ASPHD1: variants seen among roughly 807,000 people sequenced by gnomAD.
ASPHD1 encodes aspartate beta-hydroxylase domain containing 1.
In ASPHD1, 20 loss-of-function variants were observed where a neutral mutation model predicts 28.3. That is an observed-to-expected ratio of 0.71 (90% CI 0.50 to 1.03). ASPHD1 has a LOEUF of 1.03. ASPHD1 is among the 50% of genes least tolerant of loss of function. The probability of loss-of-function intolerance (pLI) is 0.00; values close to 1 mark genes in which losing one functional copy is unlikely to be tolerated. For missense variants in ASPHD1, 479 were observed against 524.1 expected (o/e 0.91, Z 0.84); for synonymous variants, 240 against 221.2 (o/e 1.08, Z -0.75).
rs979691253 is a variant in ASPHD1, at chr16:29,919,289, CTTATGGTA to C, written c.*63-237_*63-230del. Among the ~76,000 whole-genome samples, 322 of 152,072 alleles carry C rather than the reference CTTATGGTA, an allele frequency of 2.1e-3. 3 individuals are homozygous for C. Among genetic ancestry groups the C allele is most frequent in the Non-Finnish European group, 8.1e-4 (55 of 67,984 alleles). On this transcript the variant is annotated intron_variant and NMD_transcript_variant, in intron 3 of 3. Transcript: ENST00000414952. ...CCCCTTGGATTGTAATAAAGTAATG[CTTATGGTA>C]TTATTTGGCTTATGTAATAAAGTAA...
chr16:29,916,606 G>A (rs1418928261), intron 3 of ASPHD1, among the ~76,000 whole-genome samples: 1 of 151,800 alleles, frequency 6.6e-6, no homozygotes, highest in East Asian at 2.0e-4. Context: ...GCTCATGCCT[G>A]TAATCTCAGC....
downstream of ASPHD1, chr16:29,906,920 G>A (rs1254663152): frequency 6.2e-7 from 1 of 1,614,160 alleles, no homozygotes. Flanking sequence ...CGTCGTGGGT[G>A]ATATGGCGCC....
At chr16:29,906,817 A>T, downstream of ASPHD1, 1 of 1,499,176 alleles carries the variant, frequency 6.7e-7, no homozygotes, top group Non-Finnish European at 9.2e-7. Flanking sequence ...AAGGGGAGGG[A>T]AAGAGAGAGG....
Position 29,900,738 on chromosome 16 carries a change from C to A in ASPHD1, c.-234C>A. 3.5e-6 allele frequency: 2 copies of A among 579,326 alleles called. No homozygotes were observed. The highest frequency in any genetic ancestry group is 6.1e-6 in the Non-Finnish European group (2 of 328,216). 35.9% of individuals were successfully genotyped at this position (579,326 alleles called of 1,614,324 possible). ...GGGTTCCCGGGACTGCAGGTCCAGG[C>A]AGGGTAGGAACCGCTGCCCAGGGGA... On this transcript the variant is annotated 5_prime_UTR_variant, in exon 1 of 3. Transcript: ENST00000308748.
intron 3 of ASPHD1, among the ~76,000 whole-genome samples, chr16:29,917,830 C>T (rs538408880): frequency 2.6e-5 from 4 of 152,092 alleles, no homozygotes; most frequent in East Asian, 3.9e-4. Flanking sequence ...CGCCTGTAAT[C>T]GCAGCTACTC....
chr16:29,919,095 A>G (rs953091640), intron 3 of ASPHD1, among the ~76,000 whole-genome samples: 13 of 152,210 alleles, frequency 8.5e-5, no homozygotes, highest in East Asian at 1.9e-4. Flanking sequence ...TGCCCACCCA[A>G]TATCAGTCAT....
chr16:29,902,830 T>A (rs1316396477), intron 1 of ASPHD1, among the ~76,000 whole-genome samples: 1 of 150,960 alleles, frequency 6.6e-6, no homozygotes, highest in Non-Finnish European at 1.5e-5. Context: ...CCTTCTTTTT[T>A]AAAAGGGTTG....
In ASPHD1 at chr16:29,901,441, A is replaced by C. The variant is rs764642939; in HGVS notation, c.470A>C (p.Tyr157Ser). The C allele has an allele frequency of 5.9e-5, 94 of 1,603,506 alleles. No homozygotes were observed. Among genetic ancestry groups the C allele is most frequent in the Non-Finnish European group, 7.9e-5 (93 of 1,176,508 alleles). ...CGGCTTCGGGCCTACGCAAGGCGCT[A>C]CTCCTGGGCTGGGATGGGTAGAGTG... ...SRRLRAYARR[Y>S]SWAGMGRVRR... The change falls in exon 1 of 3, where the codon TAC (tyrosine) becomes TCC (serine). Residue 157 changes from tyrosine to serine, a missense_variant. By Grantham distance (144) the Tyr-to-Ser change is moderately radical. Coordinates refer to ENST00000308748, the MANE Select transcript of ASPHD1 (RefSeq NM_181718.4). The surrounding 1 kb of genome is among the most constrained non-coding windows in gnomAD (Gnocchi z 5.1).
downstream of ASPHD1, chr16:29,907,125 G>A (rs765778845): frequency 1.6e-5 from 25 of 1,569,522 alleles, no homozygotes; most frequent in African/African-American, 9.5e-5. Context: ...AAGGCCAGCC[G>A]GCCCCAGCTC....
chr16:29,902,882 TC>T (rs1182085664), intron 1 of ASPHD1, among the ~76,000 whole-genome samples: 22 of 108,240 alleles, frequency 2.0e-4, no homozygotes, highest in Non-Finnish European at 3.2e-4. Context: ...TGAGATTTTT[TC>T]TTTTTCTTTT....
At chr16:29,902,024 T>C in intron 1 of ASPHD1, 104 bp downstream of exon 1, 1 of 933,864 alleles carries the variant, frequency 1.1e-6, no homozygotes, top group South Asian at 2.6e-5. Context: ...ATTGTGCCTC[T>C]CTTCTTCCAT....
downstream of ASPHD1, among the ~76,000 whole-genome samples, chr16:29,908,852 CCAGTT>C (rs1396084909): frequency 4.0e-5 from 6 of 151,646 alleles, no homozygotes; most frequent in Admixed American, 2.0e-4. Context: ...ACCACTATGT[CCAGTT>C]AATTTTTTTT....
intron 2 of ASPHD1, 133 bp from the exon 3 acceptor site, chr16:29,905,655 A>ATT: frequency 6.6e-6 from 2 of 303,026 alleles, no homozygotes; most frequent in Non-Finnish European, 1.2e-5. Context: ...AAAAAAAAAG[A>ATT]TTTGATACAT....
intron 3 of ASPHD1, chr16:29,911,316 G>A: frequency 6.0e-6 from 4 of 670,702 alleles, no homozygotes; most frequent in Non-Finnish European, 1.0e-5. Flanking sequence ...CCACCCCTGG[G>A]GCCAGGCTAA....
chr16:29,907,201 T>G, downstream of ASPHD1: 2 of 842,544 alleles, frequency 2.4e-6, no homozygotes, highest in Non-Finnish European at 3.8e-6. Context: ...ACACACCTCC[T>G]AGCCCTGCAG....
chr16:29,907,205 C>G (rs2068629217), downstream of ASPHD1: 1 of 822,458 alleles, frequency 1.2e-6, no homozygotes, highest in East Asian at 2.5e-5. Flanking sequence ...ACCTCCTAGC[C>G]CTGCAGTCAG....
At chr16:29,918,985 G>A (rs771164976) in intron 3 of ASPHD1, among the ~76,000 whole-genome samples, 2 of 151,918 alleles carry the variant, frequency 1.3e-5, no homozygotes, top group Admixed American at 1.3e-4. Context: ...ATAGAGATGG[G>A]GTTTCACCAT....
intron 3 of ASPHD1, among the ~76,000 whole-genome samples, chr16:29,917,333 A>G (rs954532598): frequency 6.6e-6 from 1 of 152,128 alleles, no homozygotes; most frequent in Non-Finnish European, 1.5e-5. Context: ...TAAAATACCC[A>G]TATATGAAAA....
chr16:29,907,047 GGAGTCTCGTAGAT>G, downstream of ASPHD1: 1 of 1,613,914 alleles, frequency 6.2e-7, no homozygotes, highest in Non-Finnish European at 8.5e-7. Context: ...TGGGCCCCGG[GGAGTCTCGTAGAT>G]GAGGATGTTC....
Sources: gnomAD v4.1 joint callset for allele counts (sites outside exome capture counted in the v4.1 genomes callset) on GRCh38, gnomAD v4.1.1 for gene constraint, Gnocchi (gnomAD v3.1) non-coding constraint, MANE v1.5 for transcripts, NCBI Gene and HGNC (gene_info 2026-07-23, HGNC 2026-07-21) for gene names.